RALYL: variants seen among roughly 807,000 people sequenced by gnomAD.
RALYL encodes the protein RALY RNA binding protein like, also known as RNA-binding Raly-like protein.
In RALYL, 29 loss-of-function variants were observed where a neutral mutation model predicts 35.1. The observed-to-expected ratio is 0.83, with a 90% CI of 0.61 to 1.13. The LOEUF is 1.13. RALYL is among the 50% of genes most tolerant of loss of function. The probability of loss-of-function intolerance (pLI) is 0.00; values close to 1 mark genes in which losing one functional copy is unlikely to be tolerated. For missense variants in RALYL, 359 were observed against 360.4 expected (o/e 1.00, Z 0.03); for synonymous variants, 120 against 127.6 (o/e 0.94, Z 0.40).
At chr8:84,393,805 A>G (rs541300985) in intron 1 of RALYL, among the ~76,000 whole-genome samples, 15 of 152,260 alleles carry the variant, frequency 9.9e-5, no homozygotes, top group Non-Finnish European at 1.9e-4. Flanking sequence ...TCACCATAAA[A>G]TGGTGTATAC....
chr8:84,712,305 A>G (rs1842310329), intron 2 of RALYL, among the ~76,000 whole-genome samples: 1 of 152,148 alleles, frequency 6.6e-6, no homozygotes, highest in Admixed American at 6.6e-5. Context: ...GGGAGCAGAG[A>G]CGTACAAAGG....
chr8:84,842,518 C>T (rs1224283496), intron 4 of RALYL, among the ~76,000 whole-genome samples: 3 of 152,188 alleles, frequency 2.0e-5, no homozygotes, highest in Non-Finnish European at 4.4e-5. Flanking sequence ...GACAGATTCA[C>T]AGCCGAATTC....
intron 1 of RALYL, among the ~76,000 whole-genome samples, chr8:84,265,690 T>G (rs1165653651): frequency 6.6e-6 from 1 of 152,238 alleles, no homozygotes; most frequent in Non-Finnish European, 1.5e-5. Flanking sequence ...TTTAAAACAC[T>G]AAATTTGTGG....
intron 2 of RALYL, among the ~76,000 whole-genome samples, chr8:84,708,642 C>A (rs1047929114): frequency 6.6e-6 from 1 of 151,804 alleles, no homozygotes; most frequent in African/African-American, 2.4e-5. Context: ...CTTTTGAGTC[C>A]ATTTAAATAC....
chr8:84,555,139 C>A (rs550108128), intron 2 of RALYL, among the ~76,000 whole-genome samples: 1 of 152,182 alleles, frequency 6.6e-6, no homozygotes, highest in Non-Finnish European at 1.5e-5. Context: ...ATTAGCCGGG[C>A]GTGGTGGCAC....
intron 1 of RALYL, among the ~76,000 whole-genome samples, chr8:84,377,077 G>A (rs902504946): frequency 2.0e-5 from 3 of 151,798 alleles, no homozygotes; most frequent in African/African-American, 7.2e-5. Context: ...GGCTGGTACT[G>A]ATAGACTAAA....
chr8:84,575,339 A>T lies in RALYL; in HGVS notation c.256+45762A>T, dbSNP rs962242839. Among the ~76,000 whole-genome samples the T allele has an allele frequency of 3.3e-5, 5 of 152,312 alleles. No individual in the cohort carries two copies. In the East Asian group the frequency reaches 9.6e-4, roughly 29 times the overall value. On this transcript the variant is annotated intron_variant, in intron 2 of 8. Coordinates refer to ENST00000521268, the MANE Select transcript of RALYL (RefSeq NM_173848.7). ...TAGTGAAGATTATTCAAAAAATTTT[A>T]AACATAACTTAAGATAATTTGAAAG... is the stretch of plus-strand genomic sequence containing the variant.
intron 1 of RALYL, among the ~76,000 whole-genome samples, chr8:84,457,980 C>T (rs2050328785): frequency 6.6e-6 from 1 of 151,666 alleles, no homozygotes; most frequent in Non-Finnish European, 1.5e-5. Flanking sequence ...AGCCCCAGTG[C>T]CAAGCACAGC....
chr8:84,224,876 C>T (rs1462724330), intron 1 of RALYL, among the ~76,000 whole-genome samples: 4 of 152,116 alleles, frequency 2.6e-5, no homozygotes, highest in East Asian at 1.9e-4. Context: ...AGGCTGGTCT[C>T]GAACTTCTGA....
At chr8:84,348,496 G>T (rs1259928962) in intron 1 of RALYL, among the ~76,000 whole-genome samples, 1 of 152,048 alleles carries the variant, frequency 6.6e-6, no homozygotes, top group East Asian at 1.9e-4. Flanking sequence ...ACTTTACAAA[G>T]TGGGTTATTT....
chr8:84,876,952 A>T (rs1177428562), intron 7 of RALYL, among the ~76,000 whole-genome samples: 2 of 152,194 alleles, frequency 1.3e-5, no homozygotes, highest in East Asian at 1.9e-4. Context: ...CAATACTGCT[A>T]CTCAATCACT....
At chr8:84,782,049 A>ACT (rs1818315438) in intron 3 of RALYL, among the ~76,000 whole-genome samples, 1 of 146,572 alleles carries the variant, frequency 6.8e-6, no homozygotes, top group South Asian at 2.1e-4. Context: ...ACACACACAC[A>ACT]CACACACACA....
Position 84,866,683 on chromosome 8 carries a change from G to A in RALYL, c.571+4230G>A, listed in dbSNP as rs143415777. The stretch of plus-strand genomic sequence containing the variant: ...CATGTAGAGCTCTTAGAACAGTGTC[G>A]GCTAATATAAAAGCCTTAATAGATA... On this transcript the variant is annotated intron_variant, in intron 6 of 8. Transcript: ENST00000521268. Among the ~76,000 whole-genome samples, 9 of 151,940 alleles carry A rather than the reference G, an allele frequency of 5.9e-5. No homozygotes were observed. In the East Asian group the frequency reaches 7.7e-4, roughly 13 times the overall value.
At chr8:84,425,098 G>A (rs1264872504) in intron 1 of RALYL, among the ~76,000 whole-genome samples, 2 of 152,352 alleles carry the variant, frequency 1.3e-5, no homozygotes, top group East Asian at 1.9e-4. Flanking sequence ...CTTCCTAGCT[G>A]CTTTGTTTAC....
At chr8:84,633,928 G>A (rs750498004) in intron 2 of RALYL, among the ~76,000 whole-genome samples, 4 of 151,754 alleles carry the variant, frequency 2.6e-5, no homozygotes, top group Admixed American at 6.6e-5. Context: ...TTGACTTCAC[G>A]AAATTACAGG....
intron 2 of RALYL, among the ~76,000 whole-genome samples, chr8:84,592,440 G>A (rs990819129): frequency 6.6e-6 from 1 of 151,954 alleles, no homozygotes; most frequent in Non-Finnish European, 1.5e-5. Context: ...CTTGTAGATT[G>A]ATACAGATCT....
chr8:84,622,929 CAAATT>C (rs1281874971), intron 2 of RALYL, among the ~76,000 whole-genome samples: 1 of 152,098 alleles, frequency 6.6e-6, no homozygotes, highest in Admixed American at 6.5e-5. Context: ...TTGGTTGTGA[CAAATT>C]AAAGACTGCA....
At chr8:84,663,961 G>A (rs1275867783) in intron 2 of RALYL, among the ~76,000 whole-genome samples, 1 of 152,006 alleles carries the variant, frequency 6.6e-6, no homozygotes, top group Non-Finnish European at 1.5e-5. Flanking sequence ...TTTACATTTA[G>A]GTCTTTCATC....
Position 84,213,968 on chromosome 8 carries a change from C to G in RALYL, c.-24+29544C>G, listed in dbSNP as rs60231981. ...GGAATTTGAATGAAGAAAATGTGAA[C>G]AGAGTTTAAGGATTATTAAAGTTCC... On this transcript the variant is annotated intron_variant, in intron 1 of 8. Coordinates refer to ENST00000521268, the MANE Select transcript of RALYL (RefSeq NM_173848.7). 4.4e-3 allele frequency among the ~76,000 whole-genome samples: 677 copies of G among 152,202 alleles called. 7 individuals carry two copies. Among genetic ancestry groups the G allele is most frequent in the African/African-American group, 0.016 (656 of 41,538 alleles).
Sources: allele counts gnomAD v4.1 joint callset (sites outside exome capture counted in the v4.1 genomes callset), GRCh38; gene constraint gnomAD v4.1.1; transcripts MANE v1.5; gene names NCBI Gene and HGNC (gene_info 2026-07-23, HGNC 2026-07-21).